Variants in SATB2 observed in about 807,000 individuals in gnomAD.
The protein encoded by SATB2 is DNA-binding protein SATB2.
In SATB2, 1 loss-of-function variant was observed where a neutral mutation model predicts 73.4. The observed-to-expected ratio is 0.01, with a 90% CI of 0.00 to 0.06. The LOEUF is 0.06. Among genes scored for constraint, SATB2 ranks in the 10% least tolerant of loss-of-function variants. The pLI, the probability that SATB2 is intolerant of heterozygous loss-of-function variation, is 1.00. For missense variants in SATB2, 459 were observed against 945.8 expected (o/e 0.49, Z 6.75); for synonymous variants, 397 against 367.0 (o/e 1.08, Z -0.93).
intron 5 of SATB2, among the ~76,000 whole-genome samples, chr2:199,376,924 G>T (rs925364222): frequency 3.9e-5 from 6 of 152,202 alleles, no homozygotes; most frequent in African/African-American, 1.2e-4. Context: ...AAGCAAGCAA[G>T]TGTCAAACTG....
upstream of SATB2, among the ~76,000 whole-genome samples, chr2:199,459,231 C>A (rs983732585): frequency 6.6e-6 from 1 of 151,888 alleles, no homozygotes; most frequent in Non-Finnish European, 1.5e-5. The surrounding 1 kb of genome is among the most constrained non-coding windows in gnomAD (Gnocchi z 4.2). Flanking sequence ...CCCTGAGGAC[C>A]CGGCCTCCCC....
At chr2:199,397,487 C>T (rs1559029578) in intron 3 of SATB2, 2 of 152,970 alleles carry the variant, frequency 1.3e-5, no homozygotes, top group African/African-American at 4.8e-5. Context: ...AGAATAAACA[C>T]ACAAAGCTAA....
intron 3 of SATB2, among the ~76,000 whole-genome samples, chr2:199,386,712 GCGCGCACACACACACACACACACA>G (rs1474308079): frequency 2.3e-3 from 156 of 67,672 alleles, no homozygotes; most frequent in South Asian, 0.012. Context: ...GCGCGCGCGC[GCGCGCACACACACACACACACACA>G]CACACACACA....
intron 9 of SATB2, among the ~76,000 whole-genome samples, chr2:199,319,105 TCAC>T (rs1687815925): frequency 6.6e-6 from 1 of 151,790 alleles, no homozygotes; most frequent in South Asian, 2.1e-4. Flanking sequence ...TGAAACCCAA[TCAC>T]CATGTAGGTC....
chr2:199,418,627 C>T (rs114764520), intron 3 of SATB2, among the ~76,000 whole-genome samples: 1,765 of 152,022 alleles, frequency 0.012, 40 homozygotes, highest in African/African-American at 0.04. Flanking sequence ...TTGAACAATT[C>T]GATTTGTTTG....
chr2:199,351,020 C>T (rs1221839737), intron 6 of SATB2, among the ~76,000 whole-genome samples: 5 of 134,060 alleles, frequency 3.7e-5, no homozygotes, highest in Non-Finnish European at 6.2e-5. Flanking sequence ...ACGAGCGAGA[C>T]TCTGTCTCCA....
intron 7 of SATB2, among the ~76,000 whole-genome samples, chr2:199,340,866 T>C (rs569333028): frequency 4.6e-5 from 7 of 152,328 alleles, no homozygotes; most frequent in African/African-American, 1.7e-4. Flanking sequence ...TTAACAGATT[T>C]GCTCAGATGG....
chr2:199,417,428 AG>A, intron 3 of SATB2, among the ~76,000 whole-genome samples: 1 of 152,204 alleles, frequency 6.6e-6, no homozygotes, highest in East Asian at 1.9e-4. Context: ...GAACCACTTG[AG>A]AAGAAGAGAA....
At chr2:199,301,031 A>G (rs1033803467) in intron 10 of SATB2, among the ~76,000 whole-genome samples, 15 of 152,116 alleles carry the variant, frequency 9.9e-5, no homozygotes, top group African/African-American at 3.4e-4. Context: ...TGATAAGCCT[A>G]GTAAAATGTT....
At chr2:199,452,730 T>G (rs1692162900) in intron 2 of SATB2, among the ~76,000 whole-genome samples, 1 of 152,012 alleles carries the variant, frequency 6.6e-6, no homozygotes, top group South Asian at 2.1e-4. Context: ...AGCTCTAAAC[T>G]CTCTCCTAGC....
rs554911650 is a variant in SATB2 at position 199,294,160 on chromosome 2, C to T, written c.1740+14600G>A. Reference sequence around the variant, plus strand: ...ATGAAATAGAAACTGATTACATACACGTTCTATATGTGAGGAATGGCAACA... The same window carrying T: ...ATGAAATAGAAACTGATTACATACATGTTCTATATGTGAGGAATGGCAACA... On this transcript the variant is annotated intron_variant, in intron 10 of 10. Coordinates refer to ENST00000417098, the MANE Select transcript of SATB2 (RefSeq NM_001172509.2). Among the ~76,000 whole-genome samples the T allele has an allele frequency of 1.3e-3, 202 of 152,224 alleles. 1 individual carries two copies. Among genetic ancestry groups the T allele is most frequent in the Non-Finnish European group, 2.5e-3 (173 of 67,998 alleles).
At chr2:199,385,180 G>A (rs1228820049) in intron 3 of SATB2, among the ~76,000 whole-genome samples, 3 of 152,088 alleles carry the variant, frequency 2.0e-5, no homozygotes, top group Non-Finnish European at 4.4e-5. Flanking sequence ...TGTCACCCAA[G>A]CTGAAGTGTA....
chr2:199,288,917 G>A (rs1264133708), intron 10 of SATB2, among the ~76,000 whole-genome samples: 1 of 152,180 alleles, frequency 6.6e-6, no homozygotes, highest in Non-Finnish European at 1.5e-5. Flanking sequence ...GGGAGAGGCA[G>A]CAAAGATTCC....
chr2:199,366,167 G>A (rs1689277130), intron 6 of SATB2, among the ~76,000 whole-genome samples: 1 of 152,060 alleles, frequency 6.6e-6, no homozygotes, highest in Admixed American at 6.6e-5. Flanking sequence ...AGAAATGGAA[G>A]GTAGGGAGGC....
At chr2:199,419,798 T>C (rs547717878) in intron 3 of SATB2, among the ~76,000 whole-genome samples, 1 of 152,326 alleles carries the variant, frequency 6.6e-6, no homozygotes, top group African/African-American at 2.4e-5. Context: ...TTAAATCATC[T>C]CACTTTTCCA....
intron 9 of SATB2, among the ~76,000 whole-genome samples, chr2:199,312,960 A>G (rs994500643): frequency 6.6e-6 from 1 of 152,220 alleles, no homozygotes; most frequent in African/African-American, 2.4e-5. Flanking sequence ...ACCGTCACAG[A>G]CTGCAGAAGA....
At chr2:199,415,676 AG>A (rs972187858) in intron 3 of SATB2, among the ~76,000 whole-genome samples, 3 of 152,236 alleles carry the variant, frequency 2.0e-5, no homozygotes, top group African/African-American at 4.8e-5. Context: ...TTATCCAATG[AG>A]GTTGTGCCTG....
rs1010344792 is a variant in SATB2, at chr2:199,308,777, G to A, written c.1723C>T (p.Pro575Ser). The part of the protein sequence containing the change: ...SERMQHVVQL[P>S]PEPVQVLHRQ... ...ACACTGACCTGCACCGGCTCAGGGG[G>A]AAGCTGGACCACGTGTTGCATGCGT... is the stretch of plus-strand genomic sequence containing the variant. The change falls in exon 10 of 11, where the codon CCC (proline) becomes TCC (serine). Residue 575 changes from proline (P) to serine (S), a missense_variant. Physicochemically the swap from Pro to Ser is moderately conservative, Grantham distance 74. This residue lies in a region of SATB2 where 74 missense variants were observed against 136.1 expected (regional missense o/e 0.54). Transcript: ENST00000417098. This position sits in a 1 kb window ranked among gnomAD's most constrained non-coding sequence, Gnocchi z 4.6. 1 of 1,614,000 alleles carries A rather than the reference G, an allele frequency of 6.2e-7. No homozygotes were observed. The highest frequency in any genetic ancestry group is 1.3e-5 in the African/African-American group (1 of 74,914).
chr2:199,382,186 C>T (rs918131840), intron 3 of SATB2, among the ~76,000 whole-genome samples: 1 of 152,066 alleles, frequency 6.6e-6, no homozygotes, highest in Non-Finnish European at 1.5e-5. Context: ...AAAAAGTAAG[C>T]CTTAAGTAAA....
Sources: gnomAD v4.1 joint callset for allele counts (sites outside exome capture counted in the v4.1 genomes callset) on GRCh38, gnomAD v4.1.1 for gene constraint, gnomAD v4.1.1 regional missense constraint, Gnocchi (gnomAD v3.1) non-coding constraint, MANE v1.5 for transcripts, NCBI Gene and HGNC (gene_info 2026-07-23, HGNC 2026-07-21) for gene names.